The following AGBL1 variants were observed in gnomAD, a reference collection of about 807,000 sequenced individuals.
AGBL1 encodes AGBL carboxypeptidase 1.
In AGBL1, 130 loss-of-function variants were observed where a neutral mutation model predicts 118.9. The observed-to-expected ratio is 1.09, with a 90% confidence interval of 0.95 to 1.26. AGBL1 has a LOEUF of 1.26. Ranked by LOEUF, AGBL1 falls within the 50% of genes most tolerant of loss-of-function variation. AGBL1 has a pLI of 0.00. For missense variants in AGBL1, 1,584 were observed against 1,298.1 expected (o/e 1.22, Z -3.38); for synonymous variants, 555 against 478.9 (o/e 1.16, Z -2.08).
chr15:86,321,667 C>T (rs937820035), intron 17 of AGBL1, among the ~76,000 whole-genome samples: 2 of 151,470 alleles, frequency 1.3e-5, no homozygotes, highest in African/African-American at 4.9e-5. Flanking sequence ...ATCCCAGATA[C>T]TTGGGAGGCT....
At chr15:86,208,180 A>G (rs1250921883) in intron 5 of AGBL1, among the ~76,000 whole-genome samples, 1 of 152,138 alleles carries the variant, frequency 6.6e-6, no homozygotes, top group Non-Finnish European at 1.5e-5. Flanking sequence ...CTACTTGATC[A>G]TGGTGGATAA....
chr15:86,990,637 C>T (rs912632857), intron 24 of AGBL1, among the ~76,000 whole-genome samples: 8 of 152,208 alleles, frequency 5.3e-5, no homozygotes, highest in Non-Finnish European at 1.0e-4. Flanking sequence ...AATATGTACT[C>T]ATTTCACAGC....
chr15:86,144,492 A>G (rs2077006898), intron 3 of AGBL1, among the ~76,000 whole-genome samples: 1 of 152,210 alleles, frequency 6.6e-6, no homozygotes. Flanking sequence ...ATAAAAAAGA[A>G]TGAGATCATG....
At chr15:86,831,228 G>C (rs968217369) in intron 22 of AGBL1, among the ~76,000 whole-genome samples, 6 of 152,068 alleles carry the variant, frequency 3.9e-5, no homozygotes, top group Admixed American at 3.3e-4. Context: ...TAAGATTTGG[G>C]TGCAGACAGA....
chr15:86,129,763 T>C (rs2076795040), intron 1 of AGBL1, among the ~76,000 whole-genome samples: 1 of 152,168 alleles, frequency 6.6e-6, no homozygotes, highest in Non-Finnish European at 1.5e-5. Context: ...AAAATACCAA[T>C]AGTGCTGAGC....
chr15:86,419,063 G>C (rs995905049), intron 18 of AGBL1, among the ~76,000 whole-genome samples: 2 of 152,040 alleles, frequency 1.3e-5, no homozygotes, highest in Admixed American at 1.3e-4. Context: ...AGTGTGATAT[G>C]CTATCAAAGA....
At chr15:86,246,807 C>G (rs2078727942) in intron 6 of AGBL1, among the ~76,000 whole-genome samples, 1 of 152,200 alleles carries the variant, frequency 6.6e-6, no homozygotes, top group Non-Finnish European at 1.5e-5. Flanking sequence ...CAACATATCT[C>G]TTAGACATGG....
chr15:86,145,388 T>A (rs1342624285), intron 3 of AGBL1, among the ~76,000 whole-genome samples: 1 of 152,220 alleles, frequency 6.6e-6, no homozygotes, highest in African/African-American at 2.4e-5. Flanking sequence ...CTAGAAGTTC[T>A]TGGAGCACAG....
At position 86,850,096 on chromosome 15, in the gene AGBL1, G is replaced by A. The variant is rs144214440; in HGVS notation, c.3159-56991G>A. Among the ~76,000 whole-genome samples, 80 of 152,116 alleles carry A rather than the reference G, an allele frequency of 5.3e-4. No homozygotes were observed. The East Asian group carries it at 7.5e-3, about 14-fold the overall frequency. The stretch of plus-strand genomic sequence containing the variant: ...TTGCTCAATCTCCCTCAACCCAATC[G>A]CATTCAATGGAAATGATAAGAGAAC... On this transcript the variant is annotated intron_variant, in intron 22 of 22. Coordinates refer to ENST00000614907, the MANE Select transcript of AGBL1 (RefSeq NM_001386094.1).
intron 18 of AGBL1, among the ~76,000 whole-genome samples, chr15:86,402,888 AAAAC>A (rs112345064): frequency 1.3e-5 from 2 of 152,096 alleles, no homozygotes; most frequent in African/African-American, 4.8e-5. Flanking sequence ...GTTAAGTTCA[AAAAC>A]AAACAAACAA....
intron 18 of AGBL1, among the ~76,000 whole-genome samples, chr15:86,469,795 T>C (rs908383146): frequency 6.6e-6 from 1 of 152,208 alleles, no homozygotes; most frequent in African/African-American, 2.4e-5. Context: ...TGATATCTCA[T>C]TGTCATTTTA....
At chr15:86,918,686 A>T (rs149032866), downstream of AGBL1, among the ~76,000 whole-genome samples, 287 of 152,274 alleles carry the variant, frequency 1.9e-3, 7 homozygotes, top group Non-Finnish European at 7.2e-4. Flanking sequence ...ATGCTGTGTG[A>T]CCTTTTACAG....
In AGBL1 at chr15:86,678,652, A is replaced by G. The variant is rs1375655387; in HGVS notation, c.3158+4216A>G. Among the ~76,000 whole-genome samples, 4 of 152,036 alleles carry G rather than the reference A, an allele frequency of 2.6e-5. No homozygotes were observed. The East Asian group carries it at 7.7e-4, about 29-fold the overall frequency. On this transcript the variant is annotated intron_variant, in intron 22 of 22. Transcript: ENST00000614907. ...TGAATATTTTTGCTTTCAAGTAATT[A>G]TGTTTATCAATTCTTTTCTTTGCTT... is the stretch of plus-strand genomic sequence containing the variant.
chr15:86,788,598 C>A (rs16977985), intron 22 of AGBL1, among the ~76,000 whole-genome samples: 2 of 152,050 alleles, frequency 1.3e-5, no homozygotes, highest in Non-Finnish European at 2.9e-5. Context: ...TTTAAAGATG[C>A]GAGACGGTCA....
chr15:86,747,779 T>C (rs561348778), intron 22 of AGBL1, among the ~76,000 whole-genome samples: 1 of 152,308 alleles, frequency 6.6e-6, no homozygotes, highest in African/African-American at 2.4e-5. Context: ...GTTTCCAGCT[T>C]CATCCATGTC....
At chr15:86,786,572 T>G (rs567591296) in intron 22 of AGBL1, among the ~76,000 whole-genome samples, 1 of 152,356 alleles carries the variant, frequency 6.6e-6, no homozygotes, top group African/African-American at 2.4e-5. Flanking sequence ...TATACCCATG[T>G]CAGAATCCAT....
At chr15:86,277,676 C>G (rs2079279323) in intron 15 of AGBL1, among the ~76,000 whole-genome samples, 1 of 152,302 alleles carries the variant, frequency 6.6e-6, no homozygotes, top group South Asian at 2.1e-4. Context: ...TAAAAAGAAG[C>G]AAGGCCCATG....
At chr15:86,469,318 A>G (rs886796954) in intron 18 of AGBL1, among the ~76,000 whole-genome samples, 2 of 152,198 alleles carry the variant, frequency 1.3e-5, no homozygotes, top group Non-Finnish European at 2.9e-5. Flanking sequence ...GATTCCACAT[A>G]TAAGTGAGAC....
chr15:86,836,773 G>A (rs551300669), intron 22 of AGBL1, among the ~76,000 whole-genome samples: 2 of 152,128 alleles, frequency 1.3e-5, no homozygotes, highest in Non-Finnish European at 2.9e-5. Flanking sequence ...TTTTACAGGA[G>A]GTTTCTAATC....
Sources: allele counts gnomAD v4.1 joint callset (sites outside exome capture counted in the v4.1 genomes callset), GRCh38; gene constraint gnomAD v4.1.1; transcripts MANE v1.5; gene names NCBI Gene and HGNC (gene_info 2026-07-23, HGNC 2026-07-21).